The following CA4 variants were observed in gnomAD, a reference collection of about 807,000 sequenced individuals.
CA4 encodes CA-IV.
CA4 carries 24 observed loss-of-function variants against 34.5 expected under a neutral mutation model. The observed-to-expected ratio is 0.70, with a 90% confidence interval of 0.50 to 0.98. CA4 has a LOEUF of 0.98. CA4 is among the 50% of genes least tolerant of loss of function. The probability of loss-of-function intolerance (pLI) is 0.00; values close to 1 mark genes in which losing one functional copy is unlikely to be tolerated. For synonymous variants in CA4, 178 were observed against 170.6 expected (o/e 1.04, Z -0.34); for missense variants, 394 against 396.7 (o/e 0.99, Z 0.06).
At position 60,150,669 on chromosome 17, in the gene CA4, A is replaced by AAAAAAAAG. The variant is rs1567726139; in HGVS notation, c.58+584_58+585insGAAAAAAA. Among the ~76,000 whole-genome samples the AAAAAAAAG allele has an allele frequency of 6.0e-4, 82 of 137,590 alleles. 2 individuals are homozygous for AAAAAAAAG. The highest frequency in any genetic ancestry group is 2.4e-3 in the African/African-American group (80 of 33,854). 90.3% of individuals were successfully genotyped at this position (137,590 alleles called of 152,430 possible). On this transcript the variant is annotated intron_variant, in intron 1 of 7. Coordinates refer to ENST00000300900, the MANE Select transcript of CA4 (RefSeq NM_000717.5). ...GTGCTCCGTTTAAAAAAAAAAAAAA[A>AAAAAAAAG]AAAAAAAAAAAAAAAAAAAAAGGAT...
downstream of CA4, among the ~76,000 whole-genome samples, chr17:60,162,798 C>T (rs1347968728): frequency 6.6e-6 from 1 of 152,164 alleles, no homozygotes; most frequent in East Asian, 1.9e-4. Flanking sequence ...GATAAGGAAG[C>T]CCCAAGGCAC....
At chr17:60,150,231 G>C (rs1004931596) in intron 1 of CA4, 139 bp downstream of exon 1, 5 of 680,702 alleles carry the variant, frequency 7.3e-6, no homozygotes, top group Non-Finnish European at 7.2e-6. Context: ...TGTGCGCCGG[G>C]GGCCGCGAGG....
At chr17:60,169,784 C>T (rs569882193) in intron 5 of CA4, among the ~76,000 whole-genome samples, 27 of 152,340 alleles carry the variant, frequency 1.8e-4, no homozygotes, top group African/African-American at 6.0e-4. Context: ...CCACTGCCCC[C>T]GGCCAATGCT....
rs1241099723 is a variant in CA4 at position 60,155,303 on chromosome 17, C to G, written c.59-11C>G. 1.9e-6 allele frequency: 3 copies of G among 1,611,064 alleles called. No individual in the cohort carries two copies. The highest frequency in any genetic ancestry group is 2.2e-5 in the South Asian group (2 of 90,332). ...CGCACGCACACTTCACACCCTTCCT[C>G]TCTGCTCCAGAGTCACACTGGTGCT... On this transcript the variant is annotated splice_polypyrimidine_tract_variant and intron_variant, in intron 1 of 7. Coordinates refer to ENST00000300900, the MANE Select transcript of CA4 (RefSeq NM_000717.5).
chr17:60,165,963 C>T (rs1468238301), intron 5 of CA4, among the ~76,000 whole-genome samples: 4 of 152,048 alleles, frequency 2.6e-5, no homozygotes, highest in Non-Finnish European at 4.4e-5. Context: ...GGTGACCCTA[C>T]CTCCATCCCA....
the CA4 span, among the ~76,000 whole-genome samples, chr17:60,177,397 TTGTC>T: frequency 1.3e-5 from 2 of 152,238 alleles, no homozygotes; most frequent in African/African-American, 4.8e-5. Flanking sequence ...AGTCAGTGCA[TTGTC>T]AACAAGTTTT....
Position 60,158,061 on chromosome 17 carries a change from G to T in CA4, c.514G>T (p.Ala172Ser). The T allele has an allele frequency of 6.2e-7, 1 of 1,613,890 alleles. No homozygotes were observed. The highest frequency in any genetic ancestry group is 8.5e-7 in the Non-Finnish European group (1 of 1,179,940). The change falls in exon 6 of 8, where the codon GCT becomes TCT. Residue 172 changes from alanine (A) to serine (S), a missense_variant and splice_region_variant. Transcript: ENST00000300900. The part of the protein sequence containing the change: ...EIAVLAFLVE[A>S]GTQVNEGFQP... ...TCAAGACCCTTCCCTCCCTTTCCAG[G>T]CTGGAACCCAGGTGAACGAGGGCTT...
downstream of CA4, among the ~76,000 whole-genome samples, chr17:60,163,287 T>G (rs1257414850): frequency 6.6e-6 from 1 of 152,030 alleles, no homozygotes; most frequent in African/African-American, 2.4e-5. Context: ...TTGTGAACGG[T>G]GCCCCCAGCG....
downstream of CA4, among the ~76,000 whole-genome samples, chr17:60,159,861 C>T (rs925983476): frequency 6.6e-6 from 1 of 152,136 alleles, no homozygotes; most frequent in South Asian, 2.1e-4. Flanking sequence ...AGGTTGGGGC[C>T]GGGCATAGTG....
chr17:60,160,348 G>A (rs1054593847), downstream of CA4, among the ~76,000 whole-genome samples: 1 of 152,244 alleles, frequency 6.6e-6, no homozygotes, highest in Non-Finnish European at 1.5e-5. Context: ...ATATGGCAGA[G>A]AATAAAAGAC....
At chr17:60,176,955 C>T in the CA4 span, among the ~76,000 whole-genome samples, 1 of 152,144 alleles carries the variant, frequency 6.6e-6, no homozygotes, top group East Asian at 1.9e-4. Context: ...AGGCAGAGCT[C>T]AGGTGGTAAT....
intron 1 of CA4, among the ~76,000 whole-genome samples, chr17:60,154,206 G>A (rs1468769659): frequency 2.4e-5 from 3 of 124,372 alleles, no homozygotes; most frequent in African/African-American, 6.1e-5. Context: ...CCCCTCCTTG[G>A]CTTTGGCCAT....
At chr17:60,175,908 C>G in the CA4 span, among the ~76,000 whole-genome samples, 1 of 151,308 alleles carries the variant, frequency 6.6e-6, no homozygotes, top group Non-Finnish European at 1.5e-5. Flanking sequence ...CCTCTGCCTC[C>G]CGGGTTCAAG....
Position 60,155,336 on chromosome 17 carries a change from T to G in CA4, c.81T>G (p.Val27=), listed in dbSNP as rs1322818134. The stretch of plus-strand genomic sequence containing the variant: ...CAGAGTCACACTGGTGCTACGAGGT[T>G]CAAGCCGAGTCCTCCAACTACCCCT... The part of the protein sequence containing the change: ...ASAESHWCYE[V]QAESSNYPCL... The change falls in exon 2 of 8, where the codon GTT becomes GTG. Residue 27 remains valine, a synonymous_variant. Transcript: ENST00000300900. 9 of 1,610,868 alleles carry G rather than the reference T, an allele frequency of 5.6e-6. No homozygotes were observed. In the African/African-American group the frequency reaches 1.2e-4, roughly 22 times the overall value.
chr17:60,173,414 C>T (rs1250447914), downstream of CA4, among the ~76,000 whole-genome samples: 1 of 152,198 alleles, frequency 6.6e-6, no homozygotes, highest in Admixed American at 6.5e-5. Flanking sequence ...CCTGCCTCTG[C>T]TCCTTTGTCC....
downstream of CA4, among the ~76,000 whole-genome samples, chr17:60,163,628 G>C (rs773855866): frequency 6.6e-6 from 1 of 152,206 alleles, no homozygotes; most frequent in Non-Finnish European, 1.5e-5. Context: ...GATGTCCAAG[G>C]CCCAGGGAGG....
At chr17:60,155,517 A>T (rs2145264895) in intron 2 of CA4, 150 bp downstream of exon 2, 1 of 642,494 alleles carries the variant, frequency 1.6e-6, no homozygotes, top group South Asian at 1.6e-5. Flanking sequence ...ACACACACAC[A>T]CACACACTCT....
At chr17:60,150,181 C>A (rs1473548228) in intron 1 of CA4, 89 bp downstream of exon 1, 3 of 1,151,992 alleles carry the variant, frequency 2.6e-6, no homozygotes, top group South Asian at 1.3e-5. Flanking sequence ...CCCCCGCGGG[C>A]GACCGGTGAG....
intron 2 of CA4, among the ~76,000 whole-genome samples, 172 bp downstream of exon 2, chr17:60,155,539 TCACA>T (rs150431420): frequency 0.14 from 19,462 of 139,910 alleles, 2,441 homozygotes; most frequent in African/African-American, 0.36. Flanking sequence ...TCTCTCTCTC[TCACA>T]CACACACACA....
Sources: gnomAD v4.1 joint callset for allele counts (sites outside exome capture counted in the v4.1 genomes callset) on GRCh38, gnomAD v4.1.1 for gene constraint, MANE v1.5 for transcripts, NCBI Gene and HGNC (gene_info 2026-07-23, HGNC 2026-07-21) for gene names.